The following ERI1 variants were observed in gnomAD, a reference collection of about 807,000 sequenced individuals.
The protein encoded by ERI1 is 3'-5' exoribonuclease 1.
ERI1 carries 39 observed loss-of-function variants against 39.7 expected under a neutral mutation model. That is an observed-to-expected ratio of 0.98 (90% confidence interval 0.76 to 1.28). The LOEUF is 1.28. ERI1 is among the 50% of genes most tolerant of loss of function. The probability of loss-of-function intolerance (pLI) is 0.00; values close to 1 mark genes in which losing one functional copy is unlikely to be tolerated. For synonymous variants in ERI1, 204 were observed against 149.6 expected, an observed-to-expected ratio of 1.36 and a Z score of -2.65; for missense variants, 581 against 416.9, an observed-to-expected ratio of 1.39 and a Z score of -3.43.
At position 9,011,563 on chromosome 8, in the gene ERI1, G is replaced by A. The variant is rs1816672599; in HGVS notation, c.309G>A (p.Lys103=). 6.2e-7 allele frequency: 1 copy of A among 1,610,696 alleles called. No individual in the cohort carries two copies. Among genetic ancestry groups the A allele is most frequent in the Admixed American group, 1.7e-5 (1 of 59,450 alleles). The part of the protein sequence containing the change: ...LETRGVKDVL[K]KRLKNYYKKQ... ...TTAGAGGAGTAAAGGATGTTCTAAA[G>A]AAGAGACTGAAAAACTATTATAAGA... The change falls in exon 3 of 7, where the codon AAG becomes AAA. Residue 103 remains lysine (K), a synonymous_variant. Transcript: ENST00000250263.
chr8:9,040,584 A>G (rs1797985202), intron 3 of ERI1, among the ~76,000 whole-genome samples: 1 of 152,146 alleles, frequency 6.6e-6, no homozygotes. Flanking sequence ...CTGTAAAATT[A>G]CCCTTGCTGA....
At chr8:9,003,357 C>G (rs928754000) in intron 1 of ERI1, among the ~76,000 whole-genome samples, 186 bp downstream of exon 1, 2 of 152,236 alleles carry the variant, frequency 1.3e-5, no homozygotes, top group Non-Finnish European at 2.9e-5. Flanking sequence ...CCCCTCAGGG[C>G]CGAATCACTC....
At chr8:9,023,237 C>T (rs1333425651) in intron 6 of ERI1, among the ~76,000 whole-genome samples, 1 of 151,664 alleles carries the variant, frequency 6.6e-6, no homozygotes, top group Non-Finnish European at 1.5e-5. Flanking sequence ...GTCATTTGTC[C>T]TGTTGTGTTT....
chr8:9,029,522 G>T (rs543147102), intron 6 of ERI1, among the ~76,000 whole-genome samples: 137 of 152,144 alleles, frequency 9.0e-4, no homozygotes, highest in African/African-American at 3.1e-3. Context: ...GAAGAGATGG[G>T]GTGTCACCAT....
intron 3 of ERI1, among the ~76,000 whole-genome samples, chr8:9,096,313 C>A (rs989639683): frequency 6.6e-6 from 1 of 152,110 alleles, no homozygotes; most frequent in Non-Finnish European, 1.5e-5. Flanking sequence ...CAAATCCAGC[C>A]CCGGCTCCCA....
chr8:9,018,180 T>A, intron 4 of ERI1, 117 bp from the exon 5 acceptor site: 2 of 529,544 alleles, frequency 3.8e-6, no homozygotes, highest in Non-Finnish European at 3.4e-6. Context: ...AACCATGAAT[T>A]TAAAGTATCA....
intron 3 of ERI1, among the ~76,000 whole-genome samples, chr8:9,041,050 GC>G (rs1798002562): frequency 6.6e-6 from 1 of 152,202 alleles, no homozygotes; most frequent in Admixed American, 6.5e-5. Context: ...CCAGGCACTT[GC>G]TCCGCTGAGT....
intron 3 of ERI1, among the ~76,000 whole-genome samples, chr8:9,071,675 C>T (rs1230882622): frequency 6.6e-6 from 1 of 152,182 alleles, no homozygotes; most frequent in Non-Finnish European, 1.5e-5. Context: ...TCTATATGGC[C>T]GATGCCTTCC....
chr8:9,064,754 C>G (rs916325225), intron 3 of ERI1, among the ~76,000 whole-genome samples: 1 of 152,132 alleles, frequency 6.6e-6, no homozygotes, highest in Admixed American at 6.5e-5. Context: ...GGATTGATCT[C>G]CCAAGGGAGG....
intron 3 of ERI1, among the ~76,000 whole-genome samples, chr8:9,085,850 A>C (rs746837346): frequency 4.6e-5 from 7 of 152,142 alleles, no homozygotes; most frequent in Non-Finnish European, 1.0e-4. Flanking sequence ...TGTGAGACGC[A>C]GAACAGCAGG....
At chr8:9,016,925 G>A (rs537322664) in intron 4 of ERI1, among the ~76,000 whole-genome samples, 1 of 152,278 alleles carries the variant, frequency 6.6e-6, no homozygotes, top group South Asian at 2.1e-4. Flanking sequence ...AACCTCAAGT[G>A]TCCCGCCTCG....
At position 9,030,750 on chromosome 8, in the gene ERI1, G is replaced by A. The variant is rs1797530704; in HGVS notation, c.*716G>A. 6.6e-6 allele frequency: 1 copy of A among 152,118 alleles called. No homozygotes were observed. Among genetic ancestry groups the A allele is most frequent in the Non-Finnish European group, 1.5e-5 (1 of 67,986 alleles). The allele number at this position is 152,118 out of a possible 1,614,324, so 9.4% of individuals were successfully genotyped here. On this transcript the variant is annotated 3_prime_UTR_variant, in exon 7 of 7. Coordinates refer to ENST00000250263, the MANE Select transcript of ERI1 (RefSeq NM_153332.4). ...CACTGGGGTCTTTTTGGATTTGGTT[G>A]TTTGATTCGCCTTCCTTTTTTGACA...
chr8:9,042,474 C>T (rs34391124), intron 3 of ERI1, among the ~76,000 whole-genome samples: 20,683 of 152,198 alleles, frequency 0.14, 1,532 homozygotes, highest in African/African-American at 0.16. Flanking sequence ...CCAACACACA[C>T]ACAGCCTACT....
rs375690423 is a variant in ERI1 at position 9,029,849 on chromosome 8, G to A, written c.865G>A (p.Asp289Asn). The change falls in exon 7 of 7, where the codon GAT becomes AAT. Residue 289 changes from aspartate (D) to asparagine (N), a missense_variant. Coordinates refer to ENST00000250263, the MANE Select transcript of ERI1 (RefSeq NM_153332.4). ...IMLEKLGMDY[D>N]GRPHCGLDDS... ...GCTTGAAAAATTAGGAATGGATTAT[G>A]ATGGGCGGCCTCACTGTGGTCTTGA... is the stretch of plus-strand genomic sequence containing the variant. The A allele has an allele frequency of 2.5e-6, 4 of 1,614,196 alleles. No individual in the cohort carries two copies. The highest frequency in any genetic ancestry group is 1.3e-5 in the African/African-American group (1 of 75,036).
At chr8:9,080,387 G>C (rs1023024185) in intron 3 of ERI1, among the ~76,000 whole-genome samples, 1 of 152,162 alleles carries the variant, frequency 6.6e-6, no homozygotes, top group South Asian at 2.1e-4. Context: ...GGCTTGTGAT[G>C]AGTCTGCCCT....
At position 9,024,851 on chromosome 8, in the gene ERI1, C is replaced by G. The variant is rs182882312; in HGVS notation, c.807+4387C>G. Among the ~76,000 whole-genome samples the G allele has an allele frequency of 1.7e-3, 260 of 152,028 alleles. 3 individuals carry two copies. The highest frequency in any genetic ancestry group is 9.6e-4 in the East Asian group (5 of 5,196). On this transcript the variant is annotated intron_variant, in intron 6 of 6. Transcript: ENST00000250263. ...TTTTTTTGTCCTCCCTTTACAAATACTCAATTTTAGATTGAATTTAAGATA... is the reference window on the plus strand; with the variant it reads ...TTTTTTTGTCCTCCCTTTACAAATAGTCAATTTTAGATTGAATTTAAGATA...
At chr8:9,025,802 G>A (rs957851964) in intron 6 of ERI1, among the ~76,000 whole-genome samples, 2 of 151,624 alleles carry the variant, frequency 1.3e-5, no homozygotes, top group South Asian at 2.1e-4. Context: ...TTGAGATTTG[G>A]GGTTTTTTTC....
In ERI1 at chr8:9,016,833, G is replaced by A. The variant is rs113477861; in HGVS notation, c.582+428G>A. 8.1e-3 allele frequency among the ~76,000 whole-genome samples: 1,221 copies of A among 150,778 alleles called. 16 individuals carry two copies. The highest frequency in any genetic ancestry group is 0.028 in the African/African-American group (1,155 of 41,032). On this transcript the variant is annotated intron_variant, in intron 4 of 6. Transcript: ENST00000250263. The stretch of plus-strand genomic sequence containing the variant: ...CCTGAGTAACTGGGACTACAGGCGC[G>A]TTGCCACCACACCCGGCTAATTTTT...
At chr8:9,037,106 C>A (rs1216958220), downstream of ERI1, among the ~76,000 whole-genome samples, 1 of 152,152 alleles carries the variant, frequency 6.6e-6, no homozygotes, top group African/African-American at 2.4e-5. Flanking sequence ...AAAAAACCTT[C>A]CTAAAATGTT....
Sources: allele counts gnomAD v4.1 joint callset (sites outside exome capture counted in the v4.1 genomes callset), GRCh38; gene constraint gnomAD v4.1.1; transcripts MANE v1.5; gene names NCBI Gene and HGNC (gene_info 2026-07-23, HGNC 2026-07-21).